RBFOX1: variants seen among roughly 807,000 people sequenced by gnomAD.
RBFOX1 encodes the protein RNA binding fox-1 homolog 1.
In RBFOX1, 8 loss-of-function variants were observed where a neutral mutation model predicts 57.7. That is an observed-to-expected ratio of 0.14 (90% CI 0.08 to 0.25). The LOEUF is 0.25. Among genes scored for constraint, RBFOX1 ranks in the 10% least tolerant of loss-of-function variants. The pLI, the probability that RBFOX1 is intolerant of heterozygous loss-of-function variation, is 1.00. For missense variants in RBFOX1, 611 were observed against 548.5 expected, an observed-to-expected ratio of 1.11 and a Z score of -1.14; for synonymous variants, 326 against 222.4, an observed-to-expected ratio of 1.47 and a Z score of -4.15.
At chr16:5,733,689 T>C (rs2052466203) in intron 3 of RBFOX1, among the ~76,000 whole-genome samples, 1 of 152,130 alleles carries the variant, frequency 6.6e-6, no homozygotes. Flanking sequence ...CTTTCCCTTC[T>C]CCTGGCTTCC....
intron 4 of RBFOX1, among the ~76,000 whole-genome samples, chr16:5,997,953 T>C (rs900840824): frequency 1.3e-5 from 2 of 152,190 alleles, no homozygotes; most frequent in Non-Finnish European, 2.9e-5. Context: ...AATATAAAAA[T>C]GTGGCTGTTA....
intron 4 of RBFOX1, among the ~76,000 whole-genome samples, chr16:7,492,772 C>G (rs1246873056): frequency 1.3e-5 from 2 of 152,116 alleles, no homozygotes; most frequent in Admixed American, 6.6e-5. Flanking sequence ...CCCCTTCACT[C>G]TCTCTTGCCC....
Position 6,139,112 on chromosome 16 carries a change from C to A in RBFOX1, c.-127+119120C>A, listed in dbSNP as rs139026915. Among the ~76,000 whole-genome samples, 96 of 152,214 alleles carry A rather than the reference C, an allele frequency of 6.3e-4. 2 individuals carry two copies. In the East Asian group the frequency reaches 0.016, roughly 26 times the overall value. On this transcript the variant is annotated intron_variant, in intron 1 of 15. Transcript: ENST00000550418. ...TTATTGATAGCAGTTCTATAGAGTA[C>A]TGTGTCCCAGGCTCTGCTGTGTGAG...
intron 1 of RBFOX1, among the ~76,000 whole-genome samples, chr16:6,175,215 A>G (rs1320492205): frequency 6.6e-6 from 1 of 152,190 alleles, no homozygotes; most frequent in Middle Eastern, 3.2e-3. Context: ...CTGACTATGA[A>G]AAAAGGTAGC....
At chr16:6,491,819 G>GT (rs201017025) in intron 2 of RBFOX1, among the ~76,000 whole-genome samples, 1 of 151,876 alleles carries the variant, frequency 6.6e-6, no homozygotes, top group Non-Finnish European at 1.5e-5. Context: ...CCCTTTCCCC[G>GT]TTTTTTTGGC....
At chr16:5,669,262 C>T (rs936443158) in intron 3 of RBFOX1, among the ~76,000 whole-genome samples, 2 of 151,954 alleles carry the variant, frequency 1.3e-5, no homozygotes, top group Non-Finnish European at 2.9e-5. Flanking sequence ...GGGGGAGTGG[C>T]CACCCTCAGC....
At chr16:7,232,282 C>T (rs1046364709) in intron 4 of RBFOX1, among the ~76,000 whole-genome samples, 1 of 152,074 alleles carries the variant, frequency 6.6e-6, no homozygotes, top group African/African-American at 2.4e-5. Context: ...GGTTAACAAC[C>T]ACCACAACAA....
rs562641808 is a variant in RBFOX1, at chr16:7,395,198, C to G, written c.28-122949C>G. On this transcript the variant is annotated intron_variant, in intron 4 of 15. Transcript: ENST00000550418. ...TTTCCCTGACAGCCAAGACCTAACT[C>G]TTGCCTGATCTATGTAGATGCATTG... is the stretch of plus-strand genomic sequence containing the variant. Among the ~76,000 whole-genome samples the G allele has an allele frequency of 2.8e-4, 42 of 149,952 alleles. 1 individual carries two copies. The South Asian group carries it at 8.4e-3, about 30-fold the overall frequency.
chr16:6,220,282 T>C (rs939001176), intron 1 of RBFOX1, among the ~76,000 whole-genome samples: 1 of 152,168 alleles, frequency 6.6e-6, no homozygotes, highest in African/African-American at 2.4e-5. Flanking sequence ...ATTTACTTTC[T>C]TGAATTGCTA....
chr16:6,540,310 T>TA (rs34562910), intron 2 of RBFOX1, among the ~76,000 whole-genome samples: 89,926 of 147,546 alleles, frequency 0.61, 27,812 homozygotes, highest in Non-Finnish European at 0.68. Flanking sequence ...TGGCTGGCTG[T>TA]AAAAAAAAAA....
At chr16:6,921,290 T>C (rs2074388633) in intron 3 of RBFOX1, among the ~76,000 whole-genome samples, 1 of 152,200 alleles carries the variant, frequency 6.6e-6, no homozygotes, top group Non-Finnish European at 1.5e-5. Context: ...TGATACAATT[T>C]AGCTGTGTCC....
intron 3 of RBFOX1, among the ~76,000 whole-genome samples, chr16:5,798,292 A>C (rs1235442374): frequency 1.3e-5 from 2 of 152,210 alleles, no homozygotes; most frequent in African/African-American, 2.4e-5. Context: ...ACATAATTCA[A>C]ACAACACATT....
intron 2 of RBFOX1, among the ~76,000 whole-genome samples, chr16:6,447,858 T>C (rs2153038943): frequency 6.6e-6 from 1 of 152,230 alleles, no homozygotes; most frequent in Admixed American, 6.5e-5. Flanking sequence ...AAGACAGCCG[T>C]CCAATCGGAG....
intron 1 of RBFOX1, among the ~76,000 whole-genome samples, chr16:6,137,218 A>G (rs1240989770): frequency 6.6e-6 from 1 of 152,230 alleles, no homozygotes; most frequent in East Asian, 1.9e-4. Flanking sequence ...GTAAGTTGAT[A>G]AAGATATCTG....
chr16:6,562,780 G>T (rs886140134), intron 2 of RBFOX1, among the ~76,000 whole-genome samples: 1 of 150,766 alleles, frequency 6.6e-6, no homozygotes, highest in Non-Finnish European at 1.5e-5. Flanking sequence ...AATTGAGAAA[G>T]CTGCTATATT....
intron 3 of RBFOX1, among the ~76,000 whole-genome samples, chr16:7,042,263 A>C (rs2046413133): frequency 6.6e-6 from 1 of 152,186 alleles, no homozygotes; most frequent in African/African-American, 2.4e-5. Flanking sequence ...TGCTAAGGAC[A>C]AGTGAGGCGC....
chr16:5,978,078 G>C (rs561651874), intron 4 of RBFOX1, among the ~76,000 whole-genome samples: 1 of 139,034 alleles, frequency 7.2e-6, no homozygotes, highest in Non-Finnish European at 1.5e-5. Context: ...CACTTGCAGG[G>C]CAGGAGTTTA....
At chr16:6,933,023 C>T (rs2076811029) in intron 3 of RBFOX1, among the ~76,000 whole-genome samples, 1 of 152,154 alleles carries the variant, frequency 6.6e-6, no homozygotes, top group Non-Finnish European at 1.5e-5. Context: ...GTTTATTTCA[C>T]TTAGCATAAT....
At chr16:6,397,579 G>T (rs2092894302) in intron 2 of RBFOX1, among the ~76,000 whole-genome samples, 1 of 152,156 alleles carries the variant, frequency 6.6e-6, no homozygotes, top group South Asian at 2.1e-4. Context: ...AATGATGCTA[G>T]GTGAGACTTA....
Sources: allele counts gnomAD v4.1 joint callset (sites outside exome capture counted in the v4.1 genomes callset), GRCh38; gene constraint gnomAD v4.1.1; transcripts MANE v1.5; gene names NCBI Gene and HGNC (gene_info 2026-07-23, HGNC 2026-07-21).